Variants in PRKAG2 observed in about 807,000 individuals in gnomAD.
PRKAG2 encodes the protein protein kinase AMP-activated non-catalytic subunit gamma 2, also known as 5'-AMP-activated protein kinase subunit gamma-2.
In PRKAG2, 26 loss-of-function variants were observed where a neutral mutation model predicts 69.6. That is an observed-to-expected ratio of 0.37 (90% CI 0.27 to 0.52). The LOEUF is 0.52. Among genes scored for constraint, PRKAG2 ranks in the 20% least tolerant of loss-of-function variants. PRKAG2 has a pLI of 0.90. For missense variants in PRKAG2, 557 were observed against 740.0 expected, an observed-to-expected ratio of 0.75 and a Z score of 2.87; for synonymous variants, 293 against 285.0, an observed-to-expected ratio of 1.03 and a Z score of -0.28.
chr7:151,662,224 A>G (rs1161142595), intron 4 of PRKAG2, among the ~76,000 whole-genome samples: 1 of 152,202 alleles, frequency 6.6e-6, no homozygotes, highest in Non-Finnish European at 1.5e-5. Context: ...TCATTTTCCT[A>G]ACCTCTGCTT....
intron 5 of PRKAG2, among the ~76,000 whole-genome samples, chr7:151,606,937 T>C (rs1205410451): frequency 1.3e-5 from 2 of 152,270 alleles, no homozygotes; most frequent in Non-Finnish European, 2.9e-5. Flanking sequence ...CTTCTTGCTT[T>C]TGATATTTTC....
At chr7:151,600,598 T>G (rs1815807446) in intron 5 of PRKAG2, among the ~76,000 whole-genome samples, 1 of 152,204 alleles carries the variant, frequency 6.6e-6, no homozygotes, top group African/African-American at 2.4e-5. Context: ...GTGGAATAAA[T>G]TCCAGACGTC....
At chr7:151,874,218 T>C (rs1331302787) in intron 1 of PRKAG2, among the ~76,000 whole-genome samples, 2 of 130,686 alleles carry the variant, frequency 1.5e-5, no homozygotes, top group East Asian at 4.3e-4. Context: ...TATATGTATA[T>C]GATGTATATG....
At chr7:151,592,117 G>A (rs1813322770) in intron 6 of PRKAG2, among the ~76,000 whole-genome samples, 1 of 126,292 alleles carries the variant, frequency 7.9e-6, no homozygotes, top group South Asian at 2.5e-4. Context: ...TCTGACACCG[G>A]TGCCTCCCCT....
chr7:151,620,137 C>T (rs529652277), intron 5 of PRKAG2, among the ~76,000 whole-genome samples: 221 of 152,272 alleles, frequency 1.5e-3, no homozygotes, highest in African/African-American at 5.2e-3. Flanking sequence ...CAGCTGCTGC[C>T]CCCGCTGGCT....
chr7:151,557,730 C>T (rs1338787905), intron 15 of PRKAG2: 7 of 453,928 alleles, frequency 1.5e-5, no homozygotes, highest in South Asian at 9.3e-5. Flanking sequence ...ATTAGCTGGG[C>T]GTAGTGGCGG....
At chr7:151,723,879 T>C (rs1797516063) in intron 3 of PRKAG2, among the ~76,000 whole-genome samples, 1 of 152,164 alleles carries the variant, frequency 6.6e-6, no homozygotes, top group Admixed American at 6.5e-5. Flanking sequence ...TTTGGGTCCA[T>C]GTTTCAGCCA....
At chr7:151,726,242 T>A (rs1429406733) in intron 3 of PRKAG2, among the ~76,000 whole-genome samples, 1 of 151,954 alleles carries the variant, frequency 6.6e-6, no homozygotes, top group Non-Finnish European at 1.5e-5. Context: ...AACTACCAGG[T>A]GAGGCAAAGC....
At chr7:151,592,445 G>A (rs962756191) in intron 6 of PRKAG2, among the ~76,000 whole-genome samples, 7 of 152,166 alleles carry the variant, frequency 4.6e-5, no homozygotes, top group Non-Finnish European at 8.8e-5. Context: ...AGAGACCGAA[G>A]ATGGAAGCAG....
Position 151,632,132 on chromosome 7 carries a change from G to C in PRKAG2, c.691C>G (p.Leu231Val), listed in dbSNP as rs745772277. ...THYAPSKAAALAAALGPAEAG... is the reference protein window; with the variant it reads ...THYAPSKAAAVAAALGPAEAG... ...TCCGCGGGTCCCAGGGCCGCCGCCAGCGCCGCCTGAGGGGGAGGAGGAGGA... is the reference window on the plus strand; with the variant it reads ...TCCGCGGGTCCCAGGGCCGCCGCCACCGCCGCCTGAGGGGGAGGAGGAGGA... The change falls in exon 5 of 16, where the codon CTG becomes GTG. Residue 231 changes from leucine (L) to valine (V), a missense_variant. By Grantham distance (32) the Leu-to-Val change is conservative (BLOSUM62 1). Coordinates refer to ENST00000287878, the MANE Select transcript of PRKAG2 (RefSeq NM_016203.4). The surrounding 1 kb of genome is among the most constrained non-coding windows in gnomAD (Gnocchi z 4.2). 5.5e-5 allele frequency: 77 copies of C among 1,405,194 alleles called. No individual in the cohort carries two copies. Among genetic ancestry groups the C allele is most frequent in the Non-Finnish European group, 7.2e-5 (77 of 1,065,980 alleles). The allele number at this position is 1,405,194 out of a possible 1,614,324, so 87.0% of individuals were successfully genotyped here.
chr7:151,809,628 G>A (rs1037029660), intron 1 of PRKAG2: 10 of 168,438 alleles, frequency 5.9e-5, no homozygotes, highest in Non-Finnish European at 7.7e-5. Flanking sequence ...ATCAAGCACC[G>A]TTTATTAGGG....
chr7:151,610,062 G>A (rs1818409702), intron 5 of PRKAG2, among the ~76,000 whole-genome samples: 1 of 152,186 alleles, frequency 6.6e-6, no homozygotes, highest in Admixed American at 6.5e-5. Context: ...CACAGGGACT[G>A]CTGCTTACTT....
chr7:151,813,034 C>A (rs993860024), intron 1 of PRKAG2, among the ~76,000 whole-genome samples: 20 of 152,058 alleles, frequency 1.3e-4, no homozygotes, highest in African/African-American at 4.6e-4. Flanking sequence ...AACCCCCAGA[C>A]CTAAGAGGCC....
At chr7:151,797,839 C>T (rs980451292) in intron 1 of PRKAG2, among the ~76,000 whole-genome samples, 52 of 152,314 alleles carry the variant, frequency 3.4e-4, no homozygotes, top group African/African-American at 1.2e-3. Context: ...CATCTGGCCA[C>T]GGCTCTTCAC....
rs1824895219 is a variant in PRKAG2 at position 151,632,488 on chromosome 7, G to GCCGTGGCCCGCGT, written c.685-363_685-351dup. 1.2e-6 allele frequency: 1 copy of GCCGTGGCCCGCGT among 847,368 alleles called. No individual in the cohort carries two copies. The highest frequency in any genetic ancestry group is 1.8e-5 in the African/African-American group (1 of 54,404). 52.5% of individuals were successfully genotyped at this position (847,368 alleles called of 1,614,324 possible). A position where few individuals can be genotyped will look rare whatever the true frequency, so the allele number is the denominator to read the frequency against. ...CCTGGGCCCGGGGCGCCCCCCTCCG[G>GCCGTGGCCCGCGT]CCGTGGCCCGCGTCCTCCCCGCCGT... On this transcript the variant is annotated intron_variant, in intron 4 of 15. Coordinates refer to ENST00000287878, the MANE Select transcript of PRKAG2 (RefSeq NM_016203.4). The surrounding 1 kb of genome is among the most constrained non-coding windows in gnomAD (Gnocchi z 4.2).
At chr7:151,791,963 GT>G (rs1158691280) in intron 1 of PRKAG2, among the ~76,000 whole-genome samples, 1 of 152,202 alleles carries the variant, frequency 6.6e-6, no homozygotes, top group Non-Finnish European at 1.5e-5. Flanking sequence ...GGTCAGAGAG[GT>G]TAAGTCATTT....
intron 6 of PRKAG2, among the ~76,000 whole-genome samples, chr7:151,579,893 A>T (rs921614291): frequency 5.3e-5 from 8 of 152,240 alleles, no homozygotes; most frequent in Admixed American, 5.2e-4. Context: ...GTCAGAAGAC[A>T]AGAGAAAGAA....
At chr7:151,822,145 G>T (rs2078800048) in intron 1 of PRKAG2, among the ~76,000 whole-genome samples, 1 of 152,188 alleles carries the variant, frequency 6.6e-6, no homozygotes, top group South Asian at 2.1e-4. Context: ...ATGGCAGAAA[G>T]TAAATAATAG....
At chr7:151,607,291 T>A in intron 5 of PRKAG2, among the ~76,000 whole-genome samples, 1 of 152,218 alleles carries the variant, frequency 6.6e-6, no homozygotes, top group South Asian at 2.1e-4. Context: ...TACCTTTGTT[T>A]GTTTTTTTGA....
Sources: allele counts gnomAD v4.1 joint callset (sites outside exome capture counted in the v4.1 genomes callset), GRCh38; gene constraint gnomAD v4.1.1; non-coding constraint Gnocchi (gnomAD v3.1); transcripts MANE v1.5; gene names NCBI Gene and HGNC (gene_info 2026-07-23, HGNC 2026-07-21).